SMIM36: variants seen among roughly 807,000 people sequenced by gnomAD.
The protein encoded by SMIM36 is small integral membrane protein 36.
chr17:55,500,244 C>G (rs889237006), intron 1 of SMIM36, among the ~76,000 whole-genome samples: 1 of 151,974 alleles, frequency 6.6e-6, no homozygotes, highest in South Asian at 2.1e-4. Flanking sequence ...TCTGCCTTAC[C>G]CTGCTGAGTA....
At position 55,468,077 on chromosome 17, in the gene SMIM36, C is replaced by G. The variant is rs1195706052; in HGVS notation, c.*348-749G>C. On this transcript the variant is annotated intron_variant, in intron 3 of 4. Transcript: ENST00000636752. Reference sequence around the variant, plus strand: ...CTACAAAACTGTCCCACTCCTATCTCCCTTTGCTGACTCCTTTTTTGGACT... The same window carrying G: ...CTACAAAACTGTCCCACTCCTATCTGCCTTTGCTGACTCCTTTTTTGGACT... The G allele has an allele frequency of 3.3e-5, 5 of 152,456 alleles. No homozygotes were observed. The East Asian group carries it at 7.7e-4, about 24-fold the overall frequency. The allele number at this position is 152,456 out of a possible 1,614,324, so 9.4% of individuals were successfully genotyped here.
intron 1 of SMIM36, among the ~76,000 whole-genome samples, chr17:55,491,247 CAAAA>C (rs1206937453): frequency 1.9e-5 from 1 of 52,942 alleles, no homozygotes; most frequent in African/African-American, 7.0e-5. Context: ...GTCTCCTCAC[CAAAA>C]AAAAAAAAAA....
chr17:55,493,451 G>A (rs958198609), intron 1 of SMIM36, among the ~76,000 whole-genome samples: 17 of 152,070 alleles, frequency 1.1e-4, no homozygotes, highest in Non-Finnish European at 1.2e-4. Flanking sequence ...CAGAGGTGTT[G>A]GTAATATCAA....
chr17:55,456,049 C>G (rs1012692065), intron 4 of SMIM36, among the ~76,000 whole-genome samples: 1 of 123,266 alleles, frequency 8.1e-6, no homozygotes, highest in African/African-American at 3.1e-5. Flanking sequence ...CCCCAGGAGG[C>G]GGAGGTTGCA....
At chr17:55,488,013 C>T (rs1340521769) in intron 1 of SMIM36, among the ~76,000 whole-genome samples, 1 of 152,166 alleles carries the variant, frequency 6.6e-6, no homozygotes, top group African/African-American at 2.4e-5. Context: ...AGGTGAGTAG[C>T]CTGTCTTTGT....
At chr17:55,495,689 C>T (rs918701482) in intron 1 of SMIM36, among the ~76,000 whole-genome samples, 9 of 151,460 alleles carry the variant, frequency 5.9e-5, no homozygotes, top group African/African-American at 2.2e-4. Flanking sequence ...CCCAAGTAGT[C>T]CCAGCTACTT....
intron 1 of SMIM36, among the ~76,000 whole-genome samples, chr17:55,505,890 A>T (rs1910072406): frequency 9.3e-6 from 1 of 107,910 alleles, no homozygotes; most frequent in Admixed American, 9.1e-5. Context: ...TCAGGATACA[A>T]AATAAATGTA....
chr17:55,470,916 C>A (rs1428224597), intron 3 of SMIM36, among the ~76,000 whole-genome samples: 1 of 152,122 alleles, frequency 6.6e-6, no homozygotes, highest in African/African-American at 2.4e-5. Context: ...ACAAATTCTC[C>A]TTACAACTCC....
At chr17:55,461,899 GAATTCTT>G (rs1567862972) in intron 4 of SMIM36, among the ~76,000 whole-genome samples, 1 of 152,198 alleles carries the variant, frequency 6.6e-6, no homozygotes, top group African/African-American at 2.4e-5. Flanking sequence ...TCAGGGCAGA[GAATTCTT>G]ACGGAAGAAG....
At chr17:55,499,929 A>C (rs1163454123) in intron 1 of SMIM36, among the ~76,000 whole-genome samples, 1 of 107,702 alleles carries the variant, frequency 9.3e-6, no homozygotes, top group Non-Finnish European at 1.9e-5. Flanking sequence ...AATAAAAGCA[A>C]GTAAACATCA....
chr17:55,468,015 C>T (rs1287230020), intron 3 of SMIM36: 3 of 152,186 alleles, frequency 2.0e-5, no homozygotes, highest in African/African-American at 7.2e-5. Context: ...AGAGAAAAAG[C>T]CCCTTTGACT....
chr17:55,481,331 A>T (rs146314670), intron 1 of SMIM36, among the ~76,000 whole-genome samples: 3 of 152,366 alleles, frequency 2.0e-5, no homozygotes, highest in Non-Finnish European at 4.4e-5. Flanking sequence ...TGGGCAAAAT[A>T]GGTAGACATA....
At chr17:55,521,384 C>T in the SMIM36 span, among the ~76,000 whole-genome samples, 1 of 152,146 alleles carries the variant, frequency 6.6e-6, no homozygotes, top group African/African-American at 2.4e-5. Context: ...TGATCACTTC[C>T]CTGGTCTGCT....
chr17:55,500,984 T>TTTATAAC (rs1909920973), intron 1 of SMIM36, among the ~76,000 whole-genome samples: 1 of 51,672 alleles, frequency 1.9e-5, no homozygotes, highest in Admixed American at 3.6e-4. Flanking sequence ...TATAATATAT[T>TTTATAAC]ATATATTATA....
intron 1 of SMIM36, among the ~76,000 whole-genome samples, chr17:55,482,749 A>G (rs774249004): frequency 3.9e-5 from 6 of 152,234 alleles, no homozygotes; most frequent in Non-Finnish European, 8.8e-5. Context: ...ATTAGAGACT[A>G]CAGGGAAAAC....
chr17:55,491,953 A>G (rs1909713868), intron 1 of SMIM36, among the ~76,000 whole-genome samples: 1 of 152,030 alleles, frequency 6.6e-6, no homozygotes, highest in African/African-American at 2.4e-5. Context: ...AGGTCAGTAG[A>G]TCGAGACCAT....
At chr17:55,483,993 T>C (rs1449471250) in intron 1 of SMIM36, among the ~76,000 whole-genome samples, 2 of 152,206 alleles carry the variant, frequency 1.3e-5, no homozygotes, top group Admixed American at 6.6e-5. Context: ...ACACATTCTA[T>C]TAGCTTTGTT....
chr17:55,496,901 A>G (rs9890519), intron 1 of SMIM36, among the ~76,000 whole-genome samples: 95,856 of 151,972 alleles, frequency 0.63, 31,180 homozygotes, highest in African/African-American at 0.77. Context: ...AGGTGTTTGC[A>G]TGACAGTCTC....
At chr17:55,513,142 C>T (rs147997787), upstream of SMIM36, among the ~76,000 whole-genome samples, 2 of 152,264 alleles carry the variant, frequency 1.3e-5, no homozygotes, top group East Asian at 1.9e-4. Context: ...TGGATCAACC[C>T]TAGATCTACT....
Sources: gnomAD v4.1 joint callset for allele counts (sites outside exome capture counted in the v4.1 genomes callset) on GRCh38, gnomAD v4.1.1 for gene constraint, MANE v1.5 for transcripts, NCBI Gene and HGNC (gene_info 2026-07-23, HGNC 2026-07-21) for gene names.